Variants in NRXN2 observed in about 807,000 individuals in gnomAD.
NRXN2 encodes the protein neurexin 2.
NRXN2 carries 29 observed loss-of-function variants against 128.8 expected under a neutral mutation model. The observed-to-expected ratio is 0.23, with a 90% CI of 0.17 to 0.31. NRXN2 has a LOEUF of 0.31. Ranked by LOEUF, NRXN2 falls within the 10% of genes least tolerant of loss-of-function variation. The probability of loss-of-function intolerance (pLI) is 1.00; values close to 1 mark genes in which losing one functional copy is unlikely to be tolerated. For synonymous variants in NRXN2, 1,098 were observed against 1,075.2 expected (o/e 1.02, Z -0.41); for missense variants, 1,881 against 2,452.6 (o/e 0.77, Z 4.92).
chr11:64,672,490 C>T (rs941755603), intron 7 of NRXN2, among the ~76,000 whole-genome samples: 6 of 152,064 alleles, frequency 3.9e-5, no homozygotes, highest in Admixed American at 6.5e-5. Flanking sequence ...AGACGGAGGG[C>T]GGGTATTTTT....
chr11:64,610,321 G>A (rs1240549049), intron 22 of NRXN2, among the ~76,000 whole-genome samples: 1 of 152,180 alleles, frequency 6.6e-6, no homozygotes, highest in Non-Finnish European at 1.5e-5. Context: ...GGGACTATCT[G>A]ATCCCAGCTC....
At chr11:64,696,935 T>C (rs1477930741) in intron 3 of NRXN2, among the ~76,000 whole-genome samples, 1 of 151,902 alleles carries the variant, frequency 6.6e-6, no homozygotes, top group African/African-American at 2.4e-5. Flanking sequence ...AAAGCCAAAT[T>C]GCAAGAGAAA....
chr11:64,718,819 G>C (rs1378289244), intron 1 of NRXN2, among the ~76,000 whole-genome samples: 1 of 152,064 alleles, frequency 6.6e-6, no homozygotes, highest in Non-Finnish European at 1.5e-5. Flanking sequence ...CCTTCCAGCC[G>C]TGATGATCTG....
chr11:64,611,582 G>C (rs1429430862), intron 22 of NRXN2, among the ~76,000 whole-genome samples: 2 of 152,236 alleles, frequency 1.3e-5, no homozygotes, highest in African/African-American at 4.8e-5. Flanking sequence ...AGCCAGGCTA[G>C]GGCATGGGGG....
chr11:64,607,314 C>T lies in NRXN2; in HGVS notation c.5021G>A (p.Arg1674Gln), dbSNP rs754884519. The T allele has an allele frequency of 3.7e-6, 6 of 1,614,026 alleles. No homozygotes were observed. Among genetic ancestry groups the T allele is most frequent in the Non-Finnish European group, 5.1e-6 (6 of 1,179,968 alleles). The change falls in exon 23 of 23, where the codon CGA becomes CAA. Residue 1674 changes from arginine (R) to glutamine (Q), a missense_variant. Around this residue, in one of 7 missense-constraint regions of NRXN2, gnomAD observed 63 missense variants for 76.0 expected, o/e 0.83. Transcript: ENST00000265459. ...DEGSYQVDQS[R>Q]NYISNSAQSN... Reference sequence around the variant, plus strand: ...CTGGGCCGAGTTACTGATGTAGTTTCGGCTCTGGTCCACCTGGTAGGAGCC... The same window carrying T: ...CTGGGCCGAGTTACTGATGTAGTTTTGGCTCTGGTCCACCTGGTAGGAGCC...
At chr11:64,675,526 C>G (rs1452036514) in intron 7 of NRXN2, 1 of 152,270 alleles carries the variant, frequency 6.6e-6, no homozygotes, top group Non-Finnish European at 1.5e-5. Context: ...ACACGTCCAT[C>G]TGCAGGGTCC....
At chr11:64,649,257 A>T (rs774783368) in intron 15 of NRXN2, among the ~76,000 whole-genome samples, 31 of 150,998 alleles carry the variant, frequency 2.1e-4, no homozygotes, top group Non-Finnish European at 4.0e-4. Flanking sequence ...AATCCCGTCC[A>T]CCCCCATTCC....
At chr11:64,649,808 C>A (rs573874000) in intron 15 of NRXN2, among the ~76,000 whole-genome samples, 217 of 152,274 alleles carry the variant, frequency 1.4e-3, no homozygotes, top group African/African-American at 5.2e-3. Flanking sequence ...TCAGTAGGCT[C>A]TGGAGAAGCT....
intron 7 of NRXN2, among the ~76,000 whole-genome samples, chr11:64,669,023 C>T (rs550629613): frequency 2.0e-5 from 3 of 152,248 alleles, no homozygotes; most frequent in South Asian, 4.2e-4. Context: ...TGGACACACA[C>T]GTAACTCCAG....
At chr11:64,702,720 T>C (rs956513195) in intron 2 of NRXN2, among the ~76,000 whole-genome samples, 6 of 147,808 alleles carry the variant, frequency 4.1e-5, no homozygotes, top group Non-Finnish European at 7.5e-5. Flanking sequence ...CACTTGTTTA[T>C]CTGCTGACCT....
chr11:64,708,022 C>T (rs916987870), intron 2 of NRXN2, among the ~76,000 whole-genome samples: 2 of 151,792 alleles, frequency 1.3e-5, no homozygotes, highest in African/African-American at 2.4e-5. Flanking sequence ...TGCTTGAACC[C>T]GGAAGGCAGA....
intron 7 of NRXN2, among the ~76,000 whole-genome samples, chr11:64,672,887 T>C (rs1592007544): frequency 6.6e-6 from 1 of 152,252 alleles, no homozygotes; most frequent in African/African-American, 2.4e-5. Flanking sequence ...AATCCTGAGG[T>C]CTGGATTTGA....
At chr11:64,643,587 G>A (rs1276943918) in intron 17 of NRXN2, 1 of 143,906 alleles carries the variant, frequency 6.9e-6, no homozygotes, top group Non-Finnish European at 1.5e-5. Context: ...GAGAGAGGGA[G>A]GGAGGGAGGG....
chr11:64,636,516 G>T (rs2044747232), intron 17 of NRXN2, among the ~76,000 whole-genome samples: 3 of 152,090 alleles, frequency 2.0e-5, no homozygotes, highest in South Asian at 2.1e-4. Context: ...GAACAATCTT[G>T]CATTCTTTAG....
rs781248651 is a variant in NRXN2, at chr11:64,607,883, G to A, written c.4452C>T (p.Ser1484=). Residue 1484 remains serine, a synonymous_variant, in exon 23 of 23, where the codon AGC becomes AGT. Coordinates refer to ENST00000265459, the MANE Select transcript of NRXN2 (RefSeq NM_015080.4). The part of the protein sequence containing the change: ...GGPCQAERDD[S]DCEEPIEASG... ...AGGCCTCGATGGGCTCCTCGCAGTC[G>A]CTGTCGTCCCGCTCGGCCTGGCACG... 6.3e-7 allele frequency: 1 copy of A among 1,581,842 alleles called. No homozygotes were observed. The highest frequency in any genetic ancestry group is 8.6e-7 in the Non-Finnish European group (1 of 1,164,846).
In NRXN2 at chr11:64,606,962, C is replaced by A; in HGVS notation, c.*234G>T. ...GTGAGCACGTGCCCTGCCTGGCAGG[C>A]GCAGAGCTGAGAGGGACAGTCAGCC... On this transcript the variant is annotated 3_prime_UTR_variant, in exon 23 of 23. Transcript: ENST00000265459. 1.8e-6 allele frequency: 1 copy of A among 568,650 alleles called. No homozygotes were observed. The highest frequency in any genetic ancestry group is 3.1e-6 in the Non-Finnish European group (1 of 318,892). The allele number at this position is 568,650 out of a possible 1,614,324, so 35.2% of individuals were successfully genotyped here. A position where few individuals can be genotyped will look rare whatever the true frequency, so the allele number is the denominator to read the frequency against.
At position 64,672,635 on chromosome 11, in the gene NRXN2, G is replaced by A. The variant is rs1008438998; in HGVS notation, c.1198-4031C>T. 3.3e-5 allele frequency among the ~76,000 whole-genome samples: 5 copies of A among 152,126 alleles called. No individual in the cohort carries two copies. In the East Asian group the frequency reaches 9.6e-4, roughly 29 times the overall value. On this transcript the variant is annotated intron_variant, in intron 7 of 22. Transcript: ENST00000265459. ...TTCTCAAAGGTATCCATGAGCCAAA[G>A]GTGGTTAAGAGCAACTAGTCTAGGG...
intron 5 of NRXN2, among the ~76,000 whole-genome samples, chr11:64,686,515 T>C (rs574762858): frequency 1.3e-5 from 2 of 151,776 alleles, no homozygotes; most frequent in Non-Finnish European, 2.9e-5. Flanking sequence ...ATGAGGAGAA[T>C]GGGAGGTGGG....
At chr11:64,707,479 A>C (rs1639451124) in intron 2 of NRXN2, among the ~76,000 whole-genome samples, 4 of 152,284 alleles carry the variant, frequency 2.6e-5, no homozygotes, top group Admixed American at 2.6e-4. Flanking sequence ...AACCCAGACC[A>C]GAGCCACAGA....
Sources: gnomAD v4.1 joint callset for allele counts (sites outside exome capture counted in the v4.1 genomes callset) on GRCh38, gnomAD v4.1.1 for gene constraint, gnomAD v4.1.1 regional missense constraint, MANE v1.5 for transcripts, NCBI Gene and HGNC (gene_info 2026-07-23, HGNC 2026-07-21) for gene names.